The following PPP2R2C variants were observed in gnomAD, a reference collection of about 807,000 sequenced individuals.
PPP2R2C encodes the protein protein phosphatase 2, regulatory subunit B, gamma.
In PPP2R2C, 10 loss-of-function variants were observed where a neutral mutation model predicts 45.3. That is an observed-to-expected ratio of 0.22 (90% CI 0.14 to 0.37). PPP2R2C has a LOEUF of 0.37. PPP2R2C is among the 10% of genes least tolerant of loss of function. The probability of loss-of-function intolerance (pLI) is 1.00; values close to 1 mark genes in which losing one functional copy is unlikely to be tolerated. For synonymous variants in PPP2R2C, 257 were observed against 245.4 expected (o/e 1.05, Z -0.44); for missense variants, 308 against 619.7 (o/e 0.50, Z 5.34).
intron 1 of PPP2R2C, among the ~76,000 whole-genome samples, chr4:6,464,029 G>A (rs1049994229): frequency 2.0e-5 from 3 of 152,184 alleles, no homozygotes; most frequent in Admixed American, 6.5e-5. Context: ...GGTTTGGCAG[G>A]CTGCATTCAA....
chr4:6,399,544 G>C (rs539342317), intron 1 of PPP2R2C, among the ~76,000 whole-genome samples: 7 of 152,168 alleles, frequency 4.6e-5, no homozygotes, highest in Admixed American at 4.6e-4. Context: ...CCAGGCACAG[G>C]GTAGAATTCA....
Position 6,372,826 on chromosome 4 carries a change from C to T in PPP2R2C, c.448-126G>A, listed in dbSNP as rs16838651. On this transcript the variant is annotated intron_variant, in intron 4 of 8. Coordinates refer to ENST00000382599, the MANE Select transcript of PPP2R2C (RefSeq NM_020416.4). ...GGGGTGGGCGTCCATCCTGATCCTC[C>T]GTGGTCTGAAATAGGCAGTGACAGA... 7,216 of 980,936 alleles carry T rather than the reference C, an allele frequency of 7.4e-3. 323 individuals carry two copies. The African/African-American group carries it at 0.1, about 14-fold the overall frequency. 60.8% of individuals were successfully genotyped at this position (980,936 alleles called of 1,614,324 possible).
At chr4:6,397,858 A>C (rs4689430) in intron 1 of PPP2R2C, among the ~76,000 whole-genome samples, 1 of 152,310 alleles carries the variant, frequency 6.6e-6, no homozygotes, top group Admixed American at 6.5e-5. Context: ...GCAATAAATA[A>C]ATAAATAAAG....
At chr4:6,530,157 C>G (rs1412637952) in intron 2 of PPP2R2C, among the ~76,000 whole-genome samples, 1 of 152,152 alleles carries the variant, frequency 6.6e-6, no homozygotes, top group Non-Finnish European at 1.5e-5. Context: ...TTAGCACCGC[C>G]CATGGAATAT....
In PPP2R2C at chr4:6,357,257, A is replaced by G. The variant is rs1713290507; in HGVS notation, c.626-9247T>C. Among the ~76,000 whole-genome samples, 5 of 152,230 alleles carry G rather than the reference A, an allele frequency of 3.3e-5. No homozygotes were observed. The South Asian group carries it at 1.0e-3, about 32-fold the overall frequency. ...AGGGACAGCGAGGTGCTGGGCAAGG[A>G]GGGGCTGTCAGGTCCCTGGAGGGGC... On this transcript the variant is annotated intron_variant, in intron 5 of 8. Coordinates refer to ENST00000382599, the MANE Select transcript of PPP2R2C (RefSeq NM_020416.4).
At chr4:6,352,304 C>T (rs567444506) in intron 5 of PPP2R2C, among the ~76,000 whole-genome samples, 2 of 152,182 alleles carry the variant, frequency 1.3e-5, no homozygotes, top group Admixed American at 1.3e-4. Flanking sequence ...GCCTTGCTTT[C>T]CCCATCTGCA....
chr4:6,448,307 C>A (rs575011901), intron 1 of PPP2R2C, among the ~76,000 whole-genome samples: 1 of 152,244 alleles, frequency 6.6e-6, no homozygotes, highest in Admixed American at 6.5e-5. Flanking sequence ...CACCTGTAAT[C>A]CCAGCACTTT....
At chr4:6,554,936 A>G (rs1725322772) in intron 1 of PPP2R2C, among the ~76,000 whole-genome samples, 1 of 67,284 alleles carries the variant, frequency 1.5e-5, no homozygotes, top group South Asian at 4.2e-4. Flanking sequence ...GGAAGGAAAG[A>G]AAGAAAGAAA....
At chr4:6,431,351 C>T (rs1288696704) in intron 1 of PPP2R2C, among the ~76,000 whole-genome samples, 5 of 152,234 alleles carry the variant, frequency 3.3e-5, no homozygotes, top group African/African-American at 7.2e-5. Context: ...ATATGAGGGG[C>T]TCCAGAACAC....
intron 2 of PPP2R2C, among the ~76,000 whole-genome samples, chr4:6,515,843 G>C (rs979235182): frequency 2.6e-5 from 4 of 152,296 alleles, no homozygotes; most frequent in Middle Eastern, 3.4e-3. Context: ...AGCCACCAGG[G>C]ATCCAGGGGA....
In PPP2R2C at chr4:6,326,868, G is replaced by A. The variant is rs560272853; in HGVS notation, c.1052+2394C>T. 2.1e-3 allele frequency among the ~76,000 whole-genome samples: 324 copies of A among 152,332 alleles called. 1 individual carries two copies. Among genetic ancestry groups the A allele is most frequent in the Non-Finnish European group, 3.4e-3 (233 of 68,030 alleles). On this transcript the variant is annotated intron_variant, in intron 8 of 8. Coordinates refer to ENST00000382599, the MANE Select transcript of PPP2R2C (RefSeq NM_020416.4). ...CCACGCGGCAGCAGCGGCGCTCTGC[G>A]GGCCGGACCAACTGTCAGAGGGGGT...
intron 1 of PPP2R2C, among the ~76,000 whole-genome samples, chr4:6,448,220 C>T (rs1039382979): frequency 6.6e-6 from 1 of 152,172 alleles, no homozygotes; most frequent in Admixed American, 6.5e-5. Flanking sequence ...CTCTCACCAC[C>T]GCTGCAGGAT....
At chr4:6,356,151 G>A (rs1217257757) in intron 5 of PPP2R2C, among the ~76,000 whole-genome samples, 2 of 152,144 alleles carry the variant, frequency 1.3e-5, no homozygotes, top group Non-Finnish European at 2.9e-5. Context: ...ATCTTTTTAG[G>A]TTGCAAATAC....
intron 1 of PPP2R2C, among the ~76,000 whole-genome samples, chr4:6,552,916 C>T (rs1485938088): frequency 6.6e-6 from 1 of 152,218 alleles, no homozygotes; most frequent in Non-Finnish European, 1.5e-5. Context: ...TGGCCACACA[C>T]ATGCCCCAGT....
chr4:6,386,790 A>G (rs1189392709), intron 1 of PPP2R2C, among the ~76,000 whole-genome samples: 1 of 152,266 alleles, frequency 6.6e-6, no homozygotes, highest in East Asian at 1.9e-4. Context: ...GCAATTAGCA[A>G]ATAGAGATTT....
At chr4:6,413,130 G>A (rs1291503021) in intron 1 of PPP2R2C, among the ~76,000 whole-genome samples, 1 of 151,834 alleles carries the variant, frequency 6.6e-6, no homozygotes, top group African/African-American at 2.4e-5. Flanking sequence ...TATTTCCCCC[G>A]AGAATAAACA....
intron 1 of PPP2R2C, among the ~76,000 whole-genome samples, chr4:6,431,694 G>A (rs1404979980): frequency 3.3e-5 from 5 of 152,226 alleles, no homozygotes; most frequent in South Asian, 2.1e-4. Flanking sequence ...TCCACACCTC[G>A]GGGCCTGCCT....
intron 1 of PPP2R2C, among the ~76,000 whole-genome samples, chr4:6,554,930 G>GGAAGGAAA (rs1305316211): frequency 9.5e-5 from 11 of 116,120 alleles, no homozygotes; most frequent in African/African-American, 3.1e-4. Flanking sequence ...AAGGAAGGAA[G>GGAAGGAAA]GAAAGAAAGA....
intron 1 of PPP2R2C, among the ~76,000 whole-genome samples, chr4:6,398,626 A>G (rs764580903): frequency 2.0e-5 from 3 of 152,178 alleles, no homozygotes; most frequent in Non-Finnish European, 2.9e-5. Flanking sequence ...GGTGGAGCAA[A>G]CAGCCCCTCA....
Sources: gnomAD v4.1 joint callset for allele counts (sites outside exome capture counted in the v4.1 genomes callset) on GRCh38, gnomAD v4.1.1 for gene constraint, MANE v1.5 for transcripts, NCBI Gene and HGNC (gene_info 2026-07-23, HGNC 2026-07-21) for gene names.